Variants in KHDRBS2 observed in about 807,000 individuals in gnomAD.
KHDRBS2 encodes KH domain-containing, RNA-binding, signal transduction-associated protein 2.
KHDRBS2 carries 26 observed loss-of-function variants against 44.3 expected under a neutral mutation model. The observed-to-expected ratio is 0.59, with a 90% CI of 0.43 to 0.81. The LOEUF (loss-of-function observed/expected upper bound fraction) is 0.81. Ranked by LOEUF, KHDRBS2 falls within the 40% of genes least tolerant of loss-of-function variation. The pLI is 0.00. For missense variants in KHDRBS2, 476 were observed against 433.1 expected (o/e 1.10, Z -0.88); for synonymous variants, 194 against 151.1 (o/e 1.28, Z -2.08).
chr6:62,026,387 C>T (rs1783309222), intron 3 of KHDRBS2, among the ~76,000 whole-genome samples: 1 of 149,144 alleles, frequency 6.7e-6, no homozygotes, highest in Non-Finnish European at 1.5e-5. Flanking sequence ...TCTTTCTTTC[C>T]TTCTTTAACT....
At chr6:61,677,444 A>C (rs937562377), downstream of KHDRBS2, among the ~76,000 whole-genome samples, 1 of 151,970 alleles carries the variant, frequency 6.6e-6, no homozygotes, top group South Asian at 2.1e-4. Context: ...GCAATCTTGC[A>C]GAGAAAAGAA....
At chr6:61,808,178 A>T (rs1787471532) in intron 6 of KHDRBS2, among the ~76,000 whole-genome samples, 2 of 152,132 alleles carry the variant, frequency 1.3e-5, no homozygotes, top group Admixed American at 1.3e-4. Context: ...GTGTAAGCTC[A>T]ACCACTACTA....
At chr6:61,591,021 T>C in the KHDRBS2 span, among the ~76,000 whole-genome samples, 3 of 152,162 alleles carry the variant, frequency 2.0e-5, no homozygotes, top group Non-Finnish European at 4.4e-5. Flanking sequence ...AAGAGCATCA[T>C]TTACATTCTT....
intron 2 of KHDRBS2, among the ~76,000 whole-genome samples, chr6:62,131,167 T>C (rs1453629147): frequency 6.6e-6 from 1 of 152,204 alleles, no homozygotes; most frequent in Admixed American, 6.5e-5. Context: ...AGTAATCTTA[T>C]ATGTTTGCCC....
chr6:61,946,724 T>A (rs1813433474), intron 4 of KHDRBS2, among the ~76,000 whole-genome samples: 1 of 152,064 alleles, frequency 6.6e-6, no homozygotes, highest in African/African-American at 2.4e-5. Context: ...AGCGCTAGCA[T>A]TATGGAGGAG....
In KHDRBS2 at chr6:62,061,298, G is replaced by C. The variant is rs552102929; in HGVS notation, c.220-13304C>G. 5.9e-5 allele frequency among the ~76,000 whole-genome samples: 9 copies of C among 151,872 alleles called. No homozygotes were observed. The South Asian group carries it at 1.9e-3, about 32-fold the overall frequency. ...GGTCTTTACATTTCGGCATGATTTT[G>C]CAGCGGCTGGTACCGGTTGTTCCTT... On this transcript the variant is annotated intron_variant, in intron 2 of 8. Transcript: ENST00000281156.
intron 3 of KHDRBS2, among the ~76,000 whole-genome samples, chr6:62,012,172 T>C (rs912390908): frequency 6.6e-6 from 1 of 152,216 alleles, no homozygotes; most frequent in African/African-American, 2.4e-5. Flanking sequence ...ACAGCAATTG[T>C]TCATGTTTCC....
At chr6:61,911,598 G>T (rs896843580) in intron 4 of KHDRBS2, among the ~76,000 whole-genome samples, 1 of 151,980 alleles carries the variant, frequency 6.6e-6, no homozygotes, top group Non-Finnish European at 1.5e-5. Flanking sequence ...AGTGGCTGCT[G>T]CTTTTTGTTT....
At chr6:61,837,217 C>A (rs1430367813) in intron 6 of KHDRBS2, among the ~76,000 whole-genome samples, 1 of 151,976 alleles carries the variant, frequency 6.6e-6, no homozygotes, top group Non-Finnish European at 1.5e-5. Context: ...ATATTTAAGA[C>A]AAAGCATTAC....
At chr6:61,673,177 G>T in the KHDRBS2 span, among the ~76,000 whole-genome samples, 1 of 151,978 alleles carries the variant, frequency 6.6e-6, no homozygotes, top group South Asian at 2.1e-4. Flanking sequence ...TGTTATTTCT[G>T]AGGGCTCTGT....
chr6:61,545,156 A>G, the KHDRBS2 span, among the ~76,000 whole-genome samples: 2 of 152,024 alleles, frequency 1.3e-5, no homozygotes, highest in Non-Finnish European at 2.9e-5. Context: ...TTAAGAAGTG[A>G]TAATTGGGGC....
At chr6:62,231,876 A>C (rs6941428) in intron 1 of KHDRBS2, among the ~76,000 whole-genome samples, 372 of 152,246 alleles carry the variant, frequency 2.4e-3, no homozygotes, top group Non-Finnish European at 4.0e-3. Context: ...CAAGACACCA[A>C]TCTGTCTTGA....
intron 2 of KHDRBS2, among the ~76,000 whole-genome samples, chr6:62,089,883 G>T (rs144643971): frequency 6.6e-4 from 101 of 152,228 alleles, no homozygotes; most frequent in African/African-American, 2.4e-3. Flanking sequence ...AGCCACTCTA[G>T]GTCTAAGAAA....
rs1226613653 is a variant in KHDRBS2 at position 62,286,118 on chromosome 6, G to C, written c.-170C>G. ...CCCAGCACCTGCGACTCCCGCCGTC[G>C]GGCTGCGTGGCCCCGCGCCCACACC... On this transcript the variant is annotated 5_prime_UTR_variant, in exon 1 of 9. Transcript: ENST00000281156. The C allele has an allele frequency of 3.5e-6, 2 of 578,540 alleles. No individual in the cohort carries two copies. The highest frequency in any genetic ancestry group is 3.3e-5 in the Admixed American group (1 of 30,572). The allele number at this position is 578,540 out of a possible 1,614,324, so 35.8% of individuals were successfully genotyped here.
chr6:61,725,151 T>C (rs139614713), intron 7 of KHDRBS2, among the ~76,000 whole-genome samples: 1 of 152,112 alleles, frequency 6.6e-6, no homozygotes, highest in East Asian at 1.9e-4. Flanking sequence ...ATTAAGAAAT[T>C]CACGAAAAAT....
intron 2 of KHDRBS2, among the ~76,000 whole-genome samples, chr6:62,110,787 A>T (rs1584769893): frequency 1.3e-5 from 2 of 152,212 alleles, no homozygotes; most frequent in Admixed American, 1.3e-4. Context: ...GAAGGATTTA[A>T]TCATTATTTT....
intron 2 of KHDRBS2, among the ~76,000 whole-genome samples, chr6:62,127,291 C>T (rs1376701132): frequency 2.6e-5 from 4 of 152,020 alleles, no homozygotes; most frequent in Non-Finnish European, 5.9e-5. Flanking sequence ...CTTCAATTTA[C>T]GTATCAAGCC....
chr6:62,243,355 T>C (rs1190328745), intron 1 of KHDRBS2, among the ~76,000 whole-genome samples: 1 of 152,002 alleles, frequency 6.6e-6, no homozygotes, highest in Non-Finnish European at 1.5e-5. Context: ...GTGCTCATGG[T>C]TCAATTTCAA....
intron 2 of KHDRBS2, among the ~76,000 whole-genome samples, chr6:62,071,140 T>A (rs1051322414): frequency 6.6e-6 from 1 of 152,220 alleles, no homozygotes; most frequent in Non-Finnish European, 1.5e-5. Context: ...AATGTCTTCT[T>A]TTGAGAAGTT....
Sources: gnomAD v4.1 joint callset for allele counts (sites outside exome capture counted in the v4.1 genomes callset) on GRCh38, gnomAD v4.1.1 for gene constraint, MANE v1.5 for transcripts, NCBI Gene and HGNC (gene_info 2026-07-23, HGNC 2026-07-21) for gene names.